TRPM6: variants seen among roughly 807,000 people sequenced by gnomAD.
TRPM6 encodes the protein channel kinase 2.
TRPM6 carries 111 observed loss-of-function variants against 247.6 expected under a neutral mutation model. The ratio of observed to expected loss-of-function variants is 0.45; its 90% CI spans 0.38 to 0.52. TRPM6 has a LOEUF of 0.52. Ranked by LOEUF, TRPM6 falls within the 20% of genes least tolerant of loss-of-function variation. The pLI, the probability that TRPM6 is intolerant of heterozygous loss-of-function variation, is 0.00. For missense variants in TRPM6, 2,126 were observed against 2,421.5 expected, an observed-to-expected ratio of 0.88 and a Z score of 2.56; for synonymous variants, 892 against 853.8, an observed-to-expected ratio of 1.04 and a Z score of -0.78.
At chr9:74,747,157 AG>A in intron 31 of TRPM6, among the ~76,000 whole-genome samples, 1 of 152,364 alleles carries the variant, frequency 6.6e-6, no homozygotes, top group South Asian at 2.1e-4. Context: ...CATGGGCTAA[AG>A]ATCAAATGTT....
chr9:74,785,796 T>C (rs898898690), intron 21 of TRPM6, 78 bp downstream of exon 21: 4 of 1,534,640 alleles, frequency 2.6e-6, no homozygotes, highest in Non-Finnish European at 3.6e-6. Context: ...GTGCTGGGAT[T>C]ACAGGTGTGA....
chr9:74,846,524 C>G (rs1394402413), intron 3 of TRPM6, among the ~76,000 whole-genome samples: 1 of 152,056 alleles, frequency 6.6e-6, no homozygotes, highest in East Asian at 1.9e-4. Context: ...AAACATTTTT[C>G]TTATCGATAT....
intron 6 of TRPM6, 122 bp downstream of exon 6, chr9:74,833,876 G>A: frequency 7.5e-7 from 1 of 1,336,112 alleles, no homozygotes; most frequent in Admixed American, 1.8e-5. Context: ...CAGAAAGTCA[G>A]GAGTTGGTAG....
chr9:74,814,056 C>A (rs1828836389), intron 11 of TRPM6, among the ~76,000 whole-genome samples: 1 of 152,146 alleles, frequency 6.6e-6, no homozygotes, highest in Admixed American at 6.5e-5. Flanking sequence ...AAGATTGTAC[C>A]ACTGCACTCC....
At chr9:74,743,967 A>C (rs1825948285) in intron 32 of TRPM6, 128 bp downstream of exon 32, 1 of 909,248 alleles carries the variant, frequency 1.1e-6, no homozygotes, top group Non-Finnish European at 1.8e-6. Context: ...CTTCCCATCA[A>C]AGTGAACAAT....
In TRPM6 at chr9:74,761,751, G is replaced by A. The variant is rs765408848; in HGVS notation, c.4730C>T (p.Thr1577Ile). 6.2e-7 allele frequency: 1 copy of A among 1,613,922 alleles called. No individual in the cohort carries two copies. ...TTTCTTTGACAGTCTCCTGTCTTTG[G>A]TTAGCATTTTCGCTTTGACCCATGC... ...QGAWVKAKMLTKDRRLSKKKK... is the reference protein window; with the variant it reads ...QGAWVKAKMLIKDRRLSKKKK... The change falls in exon 27 of 39, where the codon ACC (threonine) becomes ATC (isoleucine). Residue 1577 changes from threonine (T) to isoleucine (I), a missense_variant. Around this residue, in one of 3 missense-constraint regions of TRPM6, gnomAD observed 717 missense variants for 715.9 expected, o/e 1.00. Coordinates refer to ENST00000360774, the MANE Select transcript of TRPM6 (RefSeq NM_017662.5).
intron 23 of TRPM6, among the ~76,000 whole-genome samples, chr9:74,777,254 GT>G (rs1180029192): frequency 6.6e-6 from 1 of 152,136 alleles, no homozygotes. Context: ...CCACCAGCAG[GT>G]GGCGACTTAA....
At chr9:74,747,857 AAAAAAT>A in intron 31 of TRPM6, 26 bp downstream of exon 31, 1 of 1,562,762 alleles carries the variant, frequency 6.4e-7, no homozygotes, top group Non-Finnish European at 8.8e-7. Flanking sequence ...ATGAAAAAAT[AAAAAAT>A]AAAATGTTTA....
At chr9:74,742,447 C>A in intron 33 of TRPM6, 114 bp downstream of exon 33, 1 of 1,000,636 alleles carries the variant, frequency 1.0e-6, no homozygotes, top group Non-Finnish European at 1.5e-6. Context: ...TAAACTACAA[C>A]TATCAACAAA....
intron 16 of TRPM6, among the ~76,000 whole-genome samples, chr9:74,800,904 GT>G (rs773826827): frequency 0.011 from 1,217 of 110,508 alleles, 3 homozygotes; most frequent in East Asian, 0.042. Flanking sequence ...AATAAAGTGT[GT>G]TTTTTTTTTT....
At chr9:74,840,785 C>G (rs570637786) in intron 4 of TRPM6, among the ~76,000 whole-genome samples, 1 of 145,966 alleles carries the variant, frequency 6.9e-6, no homozygotes, top group African/African-American at 2.6e-5. Flanking sequence ...CATCCACTCA[C>G]GCCACTGCAC....
chr9:74,747,921 G>GA lies in TRPM6; in HGVS notation c.5058-8dup, dbSNP rs754094830. The GA allele has an allele frequency of 1.8e-4, 290 of 1,585,678 alleles. 1 individual carries two copies. The highest frequency in any genetic ancestry group is 2.0e-4 in the South Asian group (18 of 88,978). On this transcript the variant is annotated splice_region_variant and splice_polypyrimidine_tract_variant and intron_variant, in intron 30 of 38. Coordinates refer to ENST00000360774, the MANE Select transcript of TRPM6 (RefSeq NM_017662.5). The stretch of plus-strand genomic sequence containing the variant: ...TCCAATTGAACTTTTCAGCCTGTTT[G>GA]AAAAAAAAATGAAGTTGTTTAGATA...
chr9:74,791,923 C>CT (rs1302529987), intron 19 of TRPM6, among the ~76,000 whole-genome samples: 5 of 152,132 alleles, frequency 3.3e-5, no homozygotes, highest in East Asian at 1.9e-4. Flanking sequence ...CGCCCGGCTA[C>CT]TTTTTTTGTA....
intron 17 of TRPM6, among the ~76,000 whole-genome samples, chr9:74,798,009 T>C (rs573418154): frequency 9.9e-5 from 15 of 152,192 alleles, no homozygotes; most frequent in Non-Finnish European, 1.6e-4. Flanking sequence ...GTTTTTTTCA[T>C]TATATTGCTA....
At chr9:74,805,373 A>T (rs1828493295) in intron 14 of TRPM6, among the ~76,000 whole-genome samples, 1 of 152,204 alleles carries the variant, frequency 6.6e-6, no homozygotes, top group Non-Finnish European at 1.5e-5. Flanking sequence ...ACCACTAGAT[A>T]ATCTGCCCAC....
rs1213740791 is a variant in TRPM6, at chr9:74,723,976, T to G, written c.*637A>C. On this transcript the variant is annotated 3_prime_UTR_variant, in exon 39 of 39. Coordinates refer to ENST00000360774, the MANE Select transcript of TRPM6 (RefSeq NM_017662.5). The stretch of plus-strand genomic sequence containing the variant: ...GGTTTCCCTTTCTTTTACAGAAACC[T>G]GAAATATCCAGGCATCATATGATTC... 6.6e-6 allele frequency: 1 copy of G among 150,450 alleles called. No individual in the cohort carries two copies. The highest frequency in any genetic ancestry group is 1.5e-5 in the Non-Finnish European group (1 of 67,848). 9.3% of individuals were successfully genotyped at this position (150,450 alleles called of 1,614,324 possible). A position where few individuals can be genotyped will look rare whatever the true frequency, so the allele number is the denominator to read the frequency against.
chr9:74,737,242 G>T (rs1033166051), intron 36 of TRPM6: 6 of 243,966 alleles, frequency 2.5e-5, no homozygotes, highest in Non-Finnish European at 3.9e-5. Flanking sequence ...AATCTGAAAG[G>T]ACAGAAGCAC....
intron 31 of TRPM6, among the ~76,000 whole-genome samples, chr9:74,745,462 CGTGTGT>C (rs377055848): frequency 0.039 from 5,617 of 145,810 alleles, 345 homozygotes; most frequent in African/African-American, 0.13. Context: ...TGTGTGTGTG[CGTGTGT>C]GTGTGTGTGT....
chr9:74,857,671 A>C (rs370254663), intron 2 of TRPM6: 1 of 152,212 alleles, frequency 6.6e-6, no homozygotes, highest in Non-Finnish European at 1.5e-5. Context: ...CCAAAAGCCT[A>C]TGGGCGCTCA....
Sources: allele counts gnomAD v4.1 joint callset (sites outside exome capture counted in the v4.1 genomes callset), GRCh38; gene constraint gnomAD v4.1.1; regional missense constraint gnomAD v4.1.1; transcripts MANE v1.5; gene names NCBI Gene and HGNC (gene_info 2026-07-23, HGNC 2026-07-21).